Variants in DENND1A observed in about 807,000 individuals in gnomAD.
DENND1A encodes the protein DENN domain containing 1A, also known as DENN domain-containing protein 1A.
A neutral mutation model predicts 113.7 loss-of-function variants in DENND1A; 51 were observed. The observed-to-expected ratio is 0.45, with a 90% CI of 0.36 to 0.57. The LOEUF (loss-of-function observed/expected upper bound fraction) is 0.57. Ranked by LOEUF, DENND1A falls within the 20% of genes least tolerant of loss-of-function variation. The pLI is 0.00. For missense variants in DENND1A, 1,258 were observed against 1,395.9 expected, an observed-to-expected ratio of 0.90 and a Z score of 1.57; for synonymous variants, 565 against 570.8, an observed-to-expected ratio of 0.99 and a Z score of 0.14.
chr9:123,593,415 C>T (rs1054780522), intron 11 of DENND1A, among the ~76,000 whole-genome samples: 6 of 152,110 alleles, frequency 3.9e-5, no homozygotes, highest in African/African-American at 1.4e-4. Context: ...CCCAAGGCAG[C>T]ACCTCTGAGA....
rs534581212 is a variant in DENND1A at position 123,437,717 on chromosome 9, G to A, written c.1488+2643C>T. 5 of 152,228 alleles carry A rather than the reference G, an allele frequency of 3.3e-5. No homozygotes were observed. In the East Asian group the frequency reaches 7.7e-4, roughly 24 times the overall value. The allele number at this position is 152,228 out of a possible 1,614,324, so 9.4% of individuals were successfully genotyped here. On this transcript the variant is annotated intron_variant, in intron 19 of 23. Coordinates refer to ENST00000394215, the MANE Select transcript of DENND1A (RefSeq NM_001352964.2). The stretch of plus-strand genomic sequence containing the variant: ...GCTTGGGTTTCCAAGCTGGTGAAGT[G>A]GCCCTGGGCAGGTTCTCTCACGTCT...
In DENND1A at chr9:123,575,398, T is replaced by C. The variant is rs140075250; in HGVS notation, c.867+7771A>G. On this transcript the variant is annotated intron_variant, in intron 12 of 23. Coordinates refer to ENST00000394215, the MANE Select transcript of DENND1A (RefSeq NM_001352964.2). The stretch of plus-strand genomic sequence containing the variant: ...GCTGGGTTCCGAACAGGCCATGAAC[T>C]GGCACCAATCCACAGCCCAGGGGTT... Among the ~76,000 whole-genome samples, 127 of 152,322 alleles carry C rather than the reference T, an allele frequency of 8.3e-4. 2 individuals carry two copies. Among genetic ancestry groups the C allele is most frequent in the Non-Finnish European group, 1.3e-3 (89 of 68,024 alleles).
At chr9:123,689,322 G>A (rs1166643632) in intron 5 of DENND1A, among the ~76,000 whole-genome samples, 2 of 152,144 alleles carry the variant, frequency 1.3e-5, no homozygotes, top group African/African-American at 4.8e-5. Context: ...ACTGCACCTG[G>A]CCTCTGATGT....
chr9:123,895,396 G>A (rs1850576539), intron 1 of DENND1A, among the ~76,000 whole-genome samples: 1 of 152,064 alleles, frequency 6.6e-6, no homozygotes, highest in Non-Finnish European at 1.5e-5. Flanking sequence ...CAAGGCGGGT[G>A]GATCACTTGA....
At chr9:123,635,536 A>G (rs1589445141) in intron 9 of DENND1A, among the ~76,000 whole-genome samples, 1 of 152,246 alleles carries the variant, frequency 6.6e-6, no homozygotes, top group Non-Finnish European at 1.5e-5. Flanking sequence ...TGAGGTAACA[A>G]TACCTGCTGA....
At chr9:123,421,161 G>A (rs963302115) in intron 19 of DENND1A, among the ~76,000 whole-genome samples, 1 of 149,974 alleles carries the variant, frequency 6.7e-6, no homozygotes, top group Admixed American at 6.6e-5. Flanking sequence ...AGATGTTGGG[G>A]GAAATGATCT....
chr9:123,762,243 T>C (rs567249629), intron 4 of DENND1A, among the ~76,000 whole-genome samples: 124 of 152,166 alleles, frequency 8.1e-4, no homozygotes, highest in Non-Finnish European at 1.7e-3. Flanking sequence ...GAGACCACAT[T>C]TGAAGTTCTC....
chr9:123,781,767 T>G (rs562469860), intron 3 of DENND1A, among the ~76,000 whole-genome samples: 1 of 152,218 alleles, frequency 6.6e-6, no homozygotes, highest in South Asian at 2.1e-4. Context: ...TTCTTTGAGT[T>G]AAACATTTTA....
chr9:123,861,609 A>C (rs1845062411), intron 2 of DENND1A, among the ~76,000 whole-genome samples: 1 of 152,162 alleles, frequency 6.6e-6, no homozygotes, highest in African/African-American at 2.4e-5. Flanking sequence ...GTGGATTTAC[A>C]AAAAACCCAC....
At chr9:123,544,776 T>C (rs2056538014) in intron 13 of DENND1A, among the ~76,000 whole-genome samples, 1 of 152,214 alleles carries the variant, frequency 6.6e-6, no homozygotes, top group Non-Finnish European at 1.5e-5. Flanking sequence ...AGCTGTTTTA[T>C]AGCTTCCAAA....
intron 5 of DENND1A, among the ~76,000 whole-genome samples, chr9:123,691,440 A>G (rs912835604): frequency 2.0e-5 from 3 of 152,174 alleles, no homozygotes; most frequent in Non-Finnish European, 1.5e-5. Context: ...TTCTGTCTGG[A>G]GGAAACCAAA....
chr9:123,517,207 C>T (rs539152144), intron 13 of DENND1A, among the ~76,000 whole-genome samples: 98 of 149,850 alleles, frequency 6.5e-4, no homozygotes, highest in Middle Eastern at 3.5e-3. Flanking sequence ...GAGCCGAGAT[C>T]GCACCACTGC....
intron 5 of DENND1A, among the ~76,000 whole-genome samples, chr9:123,728,506 A>AAAAAAAAAAAC (rs1564150268): frequency 4.8e-5 from 7 of 145,812 alleles, no homozygotes; most frequent in African/African-American, 1.9e-4. Context: ...AAAAAAAAAA[A>AAAAAAAAAAAC]AAAACAGGCA....
intron 13 of DENND1A, among the ~76,000 whole-genome samples, chr9:123,493,805 C>G (rs2051606690): frequency 6.6e-6 from 1 of 152,198 alleles, no homozygotes; most frequent in Non-Finnish European, 1.5e-5. Flanking sequence ...GAGGGGAAGG[C>G]ATGCACGCTG....
At chr9:123,731,252 T>TAA (rs2068147712) in intron 5 of DENND1A, among the ~76,000 whole-genome samples, 1 of 152,156 alleles carries the variant, frequency 6.6e-6, no homozygotes, top group African/African-American at 2.4e-5. Flanking sequence ...ACTTAAAGTA[T>TAA]AATTTAAAAA....
At chr9:123,423,382 G>A (rs189507324) in intron 19 of DENND1A, among the ~76,000 whole-genome samples, 2 of 152,220 alleles carry the variant, frequency 1.3e-5, no homozygotes, top group Non-Finnish European at 2.9e-5. Flanking sequence ...GCAACTCGGC[G>A]CTCATCAGCC....
chr9:123,638,626 T>A (rs1397739062), intron 9 of DENND1A, among the ~76,000 whole-genome samples: 2 of 152,050 alleles, frequency 1.3e-5, no homozygotes, highest in East Asian at 3.9e-4. Flanking sequence ...CACGCCCAGC[T>A]AATTTTTGTG....
chr9:123,598,246 C>T (rs142199910), intron 11 of DENND1A, among the ~76,000 whole-genome samples: 12 of 152,146 alleles, frequency 7.9e-5, no homozygotes, highest in East Asian at 1.9e-4. Flanking sequence ...AAAATCACTC[C>T]GAGGCAGGGA....
intron 13 of DENND1A, chr9:123,485,654 G>GCACACA: frequency 2.3e-5 from 1 of 44,214 alleles, no homozygotes; most frequent in South Asian, 1.0e-3. Context: ...ACGCGCGCGC[G>GCACACA]CGCACACACA....
Sources: gnomAD v4.1 joint callset for allele counts (sites outside exome capture counted in the v4.1 genomes callset) on GRCh38, gnomAD v4.1.1 for gene constraint, MANE v1.5 for transcripts, NCBI Gene and HGNC (gene_info 2026-07-23, HGNC 2026-07-21) for gene names.